TTI1: variants seen among roughly 807,000 people sequenced by gnomAD.
The protein encoded by TTI1 is TELO2 interacting protein 1.
Under a neutral mutation model 85.4 loss-of-function variants are expected in TTI1, and 52 were observed. That is an observed-to-expected ratio of 0.61 (90% CI 0.49 to 0.77). The LOEUF is 0.77. Among genes scored for constraint, TTI1 ranks in the 30% least tolerant of loss-of-function variants. TTI1 has a pLI of 0.00. For missense variants in TTI1, 1,173 were observed against 1,296.0 expected (o/e 0.91, Z 1.46); for synonymous variants, 512 against 503.9 (o/e 1.02, Z -0.22).
intron 2 of TTI1, 92 bp from the exon 3 acceptor site, chr20:38,006,489 C>A: frequency 1.4e-6 from 2 of 1,390,970 alleles, no homozygotes; most frequent in Non-Finnish European, 2.0e-6. Context: ...CTGGCCTGCA[C>A]AGCCCCCACA....
chr20:37,983,617 C>T lies in TTI1; in HGVS notation c.3109G>A (p.Val1037Met). 1 of 1,536,882 alleles carries T rather than the reference C, an allele frequency of 6.5e-7. No individual in the cohort carries two copies. The highest frequency in any genetic ancestry group is 8.8e-7 in the Non-Finnish European group (1 of 1,140,564). Reference sequence around the variant, plus strand: ...AGGAACCAGGTGGAGTCTGGGTCCACCTTCATCAAGTGGAGGAAGACGCTG... The same window carrying T: ...AGGAACCAGGTGGAGTCTGGGTCCATCTTCATCAAGTGGAGGAAGACGCTG... Reference protein sequence around the residue: ...ARSVFLHLMKVDPDSTWFLLN... With the variant: ...ARSVFLHLMKMDPDSTWFLLN... Residue 1037 changes from valine to methionine, a missense_variant, in exon 8 of 8, where the codon GTG (valine) becomes ATG (methionine). Val to Met is a conservative substitution (Grantham distance 21). Transcript: ENST00000373447.
chr20:38,021,209 T>C (rs2073767146), intron 1 of TTI1, among the ~76,000 whole-genome samples: 1 of 152,166 alleles, frequency 6.6e-6, no homozygotes. Flanking sequence ...GGCTCAGAAA[T>C]ATATAAACCA....
intron 1 of TTI1, among the ~76,000 whole-genome samples, chr20:38,029,942 G>A (rs1239448377): frequency 1.3e-5 from 2 of 152,072 alleles, no homozygotes; most frequent in African/African-American, 4.8e-5. Context: ...GTGGCCCTGT[G>A]ACCTTGGATT....
intron 2 of TTI1, among the ~76,000 whole-genome samples, chr20:38,007,313 A>G (rs1436318561): frequency 6.6e-6 from 1 of 152,212 alleles, no homozygotes; most frequent in Non-Finnish European, 1.5e-5. Flanking sequence ...AGTCTTCCCT[A>G]TTCGGTGGTG....
At chr20:37,993,112 C>CA (rs1266591153) in intron 7 of TTI1, among the ~76,000 whole-genome samples, 1 of 125,334 alleles carries the variant, frequency 8.0e-6, no homozygotes, top group Non-Finnish European at 1.7e-5. Context: ...GGGGAGCTGG[C>CA]TTTTTTTTTT....
chr20:37,992,601 A>G lies in TTI1; in HGVS notation c.3086+3774T>C, dbSNP rs575289323. 4.5e-4 allele frequency among the ~76,000 whole-genome samples: 69 copies of G among 152,294 alleles called. 1 individual carries two copies. The highest frequency in any genetic ancestry group is 1.3e-3 in the Admixed American group (20 of 15,302). On this transcript the variant is annotated intron_variant, in intron 7 of 7. Transcript: ENST00000373447. ...CTGACTTCATCTTTTCAAAAATTTG[A>G]AAAGTATTGTCTAGTTTTGTTTCCT...
intron 7 of TTI1, among the ~76,000 whole-genome samples, chr20:37,996,057 G>A (rs2073333533): frequency 6.6e-6 from 1 of 152,206 alleles, no homozygotes; most frequent in African/African-American, 2.4e-5. Context: ...ATGAAGAAGT[G>A]CCAGGCACCT....
intron 2 of TTI1, among the ~76,000 whole-genome samples, chr20:38,007,006 G>A (rs1033163814): frequency 6.6e-6 from 1 of 152,154 alleles, no homozygotes; most frequent in Non-Finnish European, 1.5e-5. Flanking sequence ...AGAGCAATTT[G>A]ATAACTCTCT....
At chr20:38,018,208 T>G (rs1057083789) in intron 1 of TTI1, among the ~76,000 whole-genome samples, 3 of 152,014 alleles carry the variant, frequency 2.0e-5, no homozygotes, top group Non-Finnish European at 4.4e-5. Context: ...TAACCAAGAT[T>G]AATAAAGTCA....
At chr20:37,988,019 A>G (rs896128740) in intron 7 of TTI1, among the ~76,000 whole-genome samples, 3 of 152,198 alleles carry the variant, frequency 2.0e-5, no homozygotes, top group African/African-American at 7.2e-5. Context: ...TTCATGGTTT[A>G]TCAAACGTTT....
rs527830309 is a variant in TTI1, at chr20:38,021,170, A to G, written c.-41-7313T>C. ...ACTATACAGATGAAGATTTACCACA[A>G]TCAGAGATCTTCAAAAGTCTGGGTT... On this transcript the variant is annotated intron_variant, in intron 1 of 7. Transcript: ENST00000373447. Among the ~76,000 whole-genome samples, 149 of 152,360 alleles carry G rather than the reference A, an allele frequency of 9.8e-4. 1 individual carries two copies. Among genetic ancestry groups the G allele is most frequent in the African/African-American group, 3.4e-3 (142 of 41,588 alleles).
intron 1 of TTI1, among the ~76,000 whole-genome samples, chr20:38,025,927 T>C (rs941910273): frequency 2.0e-5 from 3 of 152,048 alleles, no homozygotes. Flanking sequence ...GAAAAATATA[T>C]AAACAGAGCT....
intron 4 of TTI1, among the ~76,000 whole-genome samples, chr20:38,002,121 C>T (rs1374429474): frequency 6.6e-6 from 1 of 152,106 alleles, no homozygotes; most frequent in African/African-American, 2.4e-5. Context: ...CCCCCCACTT[C>T]TACCCCACCC....
intron 7 of TTI1, 62 bp from the exon 8 acceptor site, chr20:37,983,701 G>C: frequency 7.3e-7 from 1 of 1,365,024 alleles, no homozygotes. Context: ...GAATGCTACA[G>C]CCCCAACCAG....
rs768703911 is a variant in TTI1, at chr20:37,999,362, G to A, written c.2653-34C>T. ...GACACGATTTCAGCAGATGGTATAGGCTTGAAAACAGATACCTGGGATCAA... is the reference window on the plus strand; with the variant it reads ...GACACGATTTCAGCAGATGGTATAGACTTGAAAACAGATACCTGGGATCAA... On this transcript the variant is annotated intron_variant, in intron 4 of 7. Transcript: ENST00000373447. 6.7e-6 allele frequency: 9 copies of A among 1,351,722 alleles called. No individual in the cohort carries two copies. The South Asian group carries it at 1.8e-4, about 27-fold the overall frequency. 83.7% of individuals were successfully genotyped at this position (1,351,722 alleles called of 1,614,324 possible).
At chr20:38,008,812 C>T (rs927728430) in intron 2 of TTI1, among the ~76,000 whole-genome samples, 1 of 152,210 alleles carries the variant, frequency 6.6e-6, no homozygotes, top group Non-Finnish European at 1.5e-5. Flanking sequence ...ACTATACCAA[C>T]TCCACCTGAG....
At chr20:38,033,262 G>A (rs1229495250) in intron 1 of TTI1, 142 bp downstream of exon 1, 1 of 152,324 alleles carries the variant, frequency 6.6e-6, no homozygotes, top group African/African-American at 2.4e-5. Flanking sequence ...GGAAAGATGC[G>A]GCCTGGGGCC....
chr20:37,995,990 G>A (rs1202868330), intron 7 of TTI1, among the ~76,000 whole-genome samples: 1 of 152,164 alleles, frequency 6.6e-6, no homozygotes, highest in Non-Finnish European at 1.5e-5. Context: ...CCGTGGAGTC[G>A]ACATATGCCA....
rs746890380 is a variant in TTI1, at chr20:38,002,696, T to C, written c.2584A>G (p.Ile862Val). 8 of 1,614,118 alleles carry C rather than the reference T, an allele frequency of 5.0e-6. No individual in the cohort carries two copies. In the Admixed American group the frequency reaches 8.3e-5, roughly 17 times the overall value. The change falls in exon 4 of 8, where the codon ATA becomes GTA. Residue 862 changes from isoleucine (I) to valine (V), a missense_variant. Coordinates refer to ENST00000373447, the MANE Select transcript of TTI1 (RefSeq NM_001303457.2). ...CAGCGTTCCATCACGTCCATGGCTA[T>C]TTGGATCTGCAATGGCAGTGGTGGC... ...VEPPLPLQIQ[I>V]AMDVMERCIH...
Sources: gnomAD v4.1 joint callset for allele counts (sites outside exome capture counted in the v4.1 genomes callset) on GRCh38, gnomAD v4.1.1 for gene constraint, MANE v1.5 for transcripts, NCBI Gene and HGNC (gene_info 2026-07-23, HGNC 2026-07-21) for gene names.